TRPM3: variants seen among roughly 807,000 people sequenced by gnomAD.
TRPM3 encodes the protein transient receptor potential cation channel subfamily M member 3.
TRPM3 carries 77 observed loss-of-function variants against 181.2 expected under a neutral mutation model. The ratio of observed to expected loss-of-function variants is 0.42; its 90% CI spans 0.35 to 0.51. The LOEUF is 0.51. Ranked by LOEUF, TRPM3 falls within the 20% of genes least tolerant of loss-of-function variation. The pLI is 0.01. For missense variants in TRPM3, 1,759 were observed against 2,196.7 expected (o/e 0.80, Z 3.98); for synonymous variants, 745 against 796.4 (o/e 0.94, Z 1.09).
At chr9:70,547,768 C>G (rs1236928303) in intron 25 of TRPM3, among the ~76,000 whole-genome samples, 1 of 152,104 alleles carries the variant, frequency 6.6e-6, no homozygotes, top group Non-Finnish European at 1.5e-5. Context: ...CTGAGAGTTG[C>G]TCACCTTGGC....
At chr9:70,782,602 CT>C (rs2082705916) in intron 7 of TRPM3, among the ~76,000 whole-genome samples, 1 of 151,960 alleles carries the variant, frequency 6.6e-6, no homozygotes, top group Admixed American at 6.6e-5. Flanking sequence ...TACATATTCT[CT>C]TTTTAGGTTC....
chr9:70,757,646 A>C (rs995994526), intron 8 of TRPM3, among the ~76,000 whole-genome samples: 2 of 152,206 alleles, frequency 1.3e-5, no homozygotes, highest in Admixed American at 6.5e-5. Flanking sequence ...ACCACGATAA[A>C]GTCAGCTTCA....
rs778855127 is a variant in TRPM3 at position 70,620,063 on chromosome 9, T to C, written c.2129+13A>G. 1.3e-6 allele frequency: 2 copies of C among 1,592,950 alleles called. No homozygotes were observed. Among genetic ancestry groups the C allele is most frequent in the Non-Finnish European group, 1.7e-6 (2 of 1,165,898 alleles). On this transcript the variant is annotated intron_variant, in intron 16 of 25. Transcript: ENST00000677713. ...TCTCCCCCTGACCAGCCCATTTTGC[T>C]GGGCGGACCCACCTGGAATTGTGAT...
intron 1 of TRPM3, among the ~76,000 whole-genome samples, chr9:71,032,905 C>G (rs1590831835): frequency 6.6e-6 from 1 of 152,316 alleles, no homozygotes; most frequent in South Asian, 2.1e-4. Context: ...ATTTCCTGGA[C>G]TCCATTTAGC....
chr9:70,851,762 G>C (rs1303881710), intron 3 of TRPM3, among the ~76,000 whole-genome samples: 1 of 152,084 alleles, frequency 6.6e-6, no homozygotes, highest in East Asian at 1.9e-4. Flanking sequence ...CAGTAGGTGA[G>C]GTCACACTAC....
rs566984642 is a variant in TRPM3 at position 71,219,765 on chromosome 9, C to G, written c.183+226888G>C. On this transcript the variant is annotated intron_variant, in intron 1 of 24. Coordinates refer to the TRPM3 transcript ENST00000357533. ...GTGAACCTGGGCAAATCAGATTGCC[C>G]AACAGGGATTATAAAAGAGGATCAA... Among the ~76,000 whole-genome samples the G allele has an allele frequency of 3.9e-4, 60 of 152,118 alleles. 1 individual carries two copies. The South Asian group carries it at 8.3e-3, about 21-fold the overall frequency.
intron 1 of TRPM3, among the ~76,000 whole-genome samples, chr9:71,215,598 C>T (rs1013959812): frequency 2.0e-5 from 3 of 152,170 alleles, no homozygotes; most frequent in African/African-American, 7.2e-5. Flanking sequence ...TGGATTACTA[C>T]TAATGAACAC....
intron 6 of TRPM3, among the ~76,000 whole-genome samples, chr9:70,805,490 C>A (rs2090458303): frequency 7.5e-6 from 1 of 132,586 alleles, no homozygotes; most frequent in Non-Finnish European, 1.6e-5. Context: ...GCCGAGATTG[C>A]GGCACTGCAC....
chr9:70,636,545 T>C (rs1175926433), intron 11 of TRPM3, among the ~76,000 whole-genome samples: 2 of 152,244 alleles, frequency 1.3e-5, no homozygotes, highest in African/African-American at 4.8e-5. Context: ...ATAAACAATG[T>C]ACAATTTTAA....
chr9:71,221,673 A>C (rs1354766371), intron 1 of TRPM3, among the ~76,000 whole-genome samples: 4 of 152,148 alleles, frequency 2.6e-5, no homozygotes, highest in Non-Finnish European at 4.4e-5. Context: ...TGGCTGCAGC[A>C]TTTTGAGGAG....
chr9:70,988,954 G>C (rs1182970146), intron 1 of TRPM3, among the ~76,000 whole-genome samples: 1 of 152,146 alleles, frequency 6.6e-6, no homozygotes, highest in Non-Finnish European at 1.5e-5. Context: ...TTTAGAGGGA[G>C]GCCTTTCCTG....
rs1325200082 is a variant in TRPM3 at position 70,761,622 on chromosome 9, C to A, written c.1251G>T (p.Glu417Asp). The change falls in exon 8 of 26, where the codon GAG becomes GAT. Residue 417 changes from glutamate to aspartate, a missense_variant. Physicochemically the swap from Glu to Asp is conservative, Grantham distance 45 (BLOSUM62 2). Transcript: ENST00000677713. The stretch of plus-strand genomic sequence containing the variant: ...CTACCAATTCCTTCTTCTTCATGCA[C>A]TCCATGAGGATGATGAACAGATGCT... Reference protein sequence around the residue: ...QAQHLFIILMECMKKKELITV... With the variant: ...QAQHLFIILMDCMKKKELITV... 1 of 1,614,020 alleles carries A rather than the reference C, an allele frequency of 6.2e-7. No individual in the cohort carries two copies. Among genetic ancestry groups the A allele is most frequent in the South Asian group, 1.1e-5 (1 of 91,086 alleles).
At chr9:70,908,850 G>A (rs2096502725) in intron 1 of TRPM3, among the ~76,000 whole-genome samples, 1 of 152,190 alleles carries the variant, frequency 6.6e-6, no homozygotes, top group Non-Finnish European at 1.5e-5. Context: ...TGATATATGA[G>A]CAAAGTGACA....
At chr9:71,049,633 C>G (rs556779883) in intron 1 of TRPM3, among the ~76,000 whole-genome samples, 161 of 152,176 alleles carry the variant, frequency 1.1e-3, no homozygotes, top group African/African-American at 3.6e-3. Flanking sequence ...GAAGACATGG[C>G]CAGATGAGAA....
At chr9:71,359,473 A>G (rs1006158086) in intron 1 of TRPM3, among the ~76,000 whole-genome samples, 3 of 152,220 alleles carry the variant, frequency 2.0e-5, no homozygotes, top group Admixed American at 6.5e-5. Context: ...TTAAACCAAC[A>G]TAATTTAAAC....
chr9:71,050,743 G>T (rs2059977690), intron 1 of TRPM3, among the ~76,000 whole-genome samples: 1 of 151,928 alleles, frequency 6.6e-6, no homozygotes, highest in African/African-American at 2.4e-5. Flanking sequence ...CTGCAAATGG[G>T]CCCAAGCCCA....
chr9:71,293,653 A>C (rs1324652138), intron 1 of TRPM3, among the ~76,000 whole-genome samples: 1 of 151,934 alleles, frequency 6.6e-6, no homozygotes, highest in African/African-American at 2.4e-5. Flanking sequence ...TCTCCCCCAA[A>C]TTGATCTATA....
chr9:70,654,362 T>C (rs1351129043), intron 9 of TRPM3, among the ~76,000 whole-genome samples: 1 of 152,096 alleles, frequency 6.6e-6, no homozygotes, highest in African/African-American at 2.4e-5. Flanking sequence ...TAATGTGCAG[T>C]GGCCCTTATA....
chr9:70,687,486 G>A (rs574044528), intron 8 of TRPM3, among the ~76,000 whole-genome samples: 1 of 152,246 alleles, frequency 6.6e-6, no homozygotes, highest in South Asian at 2.1e-4. Flanking sequence ...TCTTATCAAA[G>A]CACTATGGAA....
Sources: gnomAD v4.1 joint callset for allele counts (sites outside exome capture counted in the v4.1 genomes callset) on GRCh38, gnomAD v4.1.1 for gene constraint, MANE v1.5 for transcripts, NCBI Gene and HGNC (gene_info 2026-07-23, HGNC 2026-07-21) for gene names.